MGAT4C: variants seen among roughly 807,000 people sequenced by gnomAD.
MGAT4C encodes the protein alpha-1,3-mannosyl-glycoprotein 4-beta-N-acetylglucosaminyltransferase C.
MGAT4C carries 19 observed loss-of-function variants against 40.1 expected under a neutral mutation model. The ratio of observed to expected loss-of-function variants is 0.47; its 90% CI spans 0.33 to 0.70. The LOEUF (loss-of-function observed/expected upper bound fraction) is 0.70, where lower values mean the gene tolerates loss of function less well. Ranked by LOEUF, MGAT4C falls within the 30% of genes least tolerant of loss-of-function variation. MGAT4C has a pLI of 0.02. For missense variants in MGAT4C, 491 were observed against 563.2 expected (o/e 0.87, Z 1.30); for synonymous variants, 181 against 187.1 (o/e 0.97, Z 0.27).
At chr12:86,724,306 A>G (rs2136648489) in intron 2 of MGAT4C, among the ~76,000 whole-genome samples, 1 of 152,290 alleles carries the variant, frequency 6.6e-6, no homozygotes, top group Non-Finnish European at 1.5e-5. Context: ...GTGTCTCCCC[A>G]AATTGTAATG....
intron 1 of MGAT4C, among the ~76,000 whole-genome samples, chr12:86,058,935 A>AAT (rs1893664898): frequency 3.9e-5 from 6 of 152,198 alleles, no homozygotes; most frequent in Admixed American, 3.9e-4. Context: ...TTTATTTAGG[A>AAT]ATATAAGTAG....
intron 2 of MGAT4C, among the ~76,000 whole-genome samples, chr12:86,659,437 G>A (rs992752133): frequency 1.7e-4 from 26 of 152,132 alleles, no homozygotes; most frequent in Non-Finnish European, 2.8e-4. Flanking sequence ...AAATGGGAAC[G>A]ACAGTAAATT....
intron 2 of MGAT4C, among the ~76,000 whole-genome samples, chr12:86,703,588 T>C (rs368091182): frequency 1.3e-5 from 2 of 152,248 alleles, no homozygotes; most frequent in South Asian, 4.1e-4. Flanking sequence ...TTAAAGTAGG[T>C]ATATTGGTTT....
At chr12:86,650,777 C>T (rs550122483) in intron 2 of MGAT4C, among the ~76,000 whole-genome samples, 2 of 152,002 alleles carry the variant, frequency 1.3e-5, no homozygotes, top group East Asian at 1.9e-4. Flanking sequence ...CTGCTTTAAA[C>T]CCCTCATGTA....
chr12:86,070,604 T>G lies in MGAT4C; in HGVS notation c.-56-20881A>C, dbSNP rs530489716. Among the ~76,000 whole-genome samples, 10 of 152,140 alleles carry G rather than the reference T, an allele frequency of 6.6e-5. 1 individual carries two copies. In the South Asian group the frequency reaches 1.9e-3, roughly 28 times the overall value. On this transcript the variant is annotated intron_variant, in intron 1 of 4. Coordinates refer to ENST00000611864, the MANE Select transcript of MGAT4C (RefSeq NM_001351288.2). ...GAAATTTGTACAGGTGGCAGCAGTT[T>G]TTATGGGTTGTGGCTCTATTATTTT...
chr12:86,378,345 G>A (rs1195914924), intron 3 of MGAT4C, among the ~76,000 whole-genome samples: 3 of 152,050 alleles, frequency 2.0e-5, no homozygotes, highest in Non-Finnish European at 4.4e-5. Context: ...GTATTTACAT[G>A]GGACTTGAAT....
chr12:86,534,972 C>A (rs1159461702), intron 2 of MGAT4C, among the ~76,000 whole-genome samples: 2 of 151,968 alleles, frequency 1.3e-5, no homozygotes, highest in Non-Finnish European at 2.9e-5. Flanking sequence ...AAGAAAAATA[C>A]AGAGGTAATA....
At chr12:86,094,776 C>T (rs1436104586) in intron 1 of MGAT4C, among the ~76,000 whole-genome samples, 1 of 151,992 alleles carries the variant, frequency 6.6e-6, no homozygotes, top group African/African-American at 2.4e-5. Flanking sequence ...ATGCCCTTTG[C>T]CCCTGTGAGG....
chr12:86,429,380 T>A (rs1002934290), intron 3 of MGAT4C, among the ~76,000 whole-genome samples: 1 of 152,184 alleles, frequency 6.6e-6, no homozygotes. Flanking sequence ...TACCTTAGCA[T>A]GTGATCTATT....
At chr12:86,211,986 A>G (rs1457536134) in intron 1 of MGAT4C, among the ~76,000 whole-genome samples, 1 of 152,134 alleles carries the variant, frequency 6.6e-6, no homozygotes, top group Non-Finnish European at 1.5e-5. Context: ...GTGCCTTTTT[A>G]GAGATTTGAT....
chr12:86,764,007 T>G (rs1464012735), intron 1 of MGAT4C, among the ~76,000 whole-genome samples: 1 of 152,014 alleles, frequency 6.6e-6, no homozygotes, highest in Non-Finnish European at 1.5e-5. Flanking sequence ...TGCCAGACAG[T>G]TGGTGCGGGG....
intron 2 of MGAT4C, among the ~76,000 whole-genome samples, chr12:86,035,774 C>T (rs1352577674): frequency 6.7e-6 from 1 of 149,796 alleles, no homozygotes; most frequent in South Asian, 2.1e-4. Flanking sequence ...GGAGGGAACC[C>T]CATTTCAGCT....
At chr12:86,483,981 A>C (rs1285347075) in intron 2 of MGAT4C, among the ~76,000 whole-genome samples, 1 of 151,850 alleles carries the variant, frequency 6.6e-6, no homozygotes, top group Admixed American at 6.6e-5. Flanking sequence ...AAGAGCAAAA[A>C]AGCATGAAAT....
chr12:86,185,421 A>G (rs928879698), intron 1 of MGAT4C, among the ~76,000 whole-genome samples: 3 of 152,192 alleles, frequency 2.0e-5, no homozygotes, highest in Admixed American at 2.0e-4. Context: ...AAATTCTCTC[A>G]TTATTCTGAA....
At chr12:86,199,377 A>AG (rs1197713327) in intron 1 of MGAT4C, among the ~76,000 whole-genome samples, 2 of 61,400 alleles carry the variant, frequency 3.3e-5, no homozygotes, top group Non-Finnish European at 8.8e-5. Context: ...GGGACAGTTT[A>AG]GGGGAAAAAG....
intron 2 of MGAT4C, among the ~76,000 whole-genome samples, chr12:86,724,138 T>A (rs2136648226): frequency 6.6e-6 from 1 of 152,292 alleles, no homozygotes. Flanking sequence ...AATGTATATA[T>A]CTTTTAAGTA....
At chr12:86,353,474 A>G (rs991413422) in intron 3 of MGAT4C, among the ~76,000 whole-genome samples, 1 of 152,198 alleles carries the variant, frequency 6.6e-6, no homozygotes, top group Non-Finnish European at 1.5e-5. Context: ...TGCAGCAGAC[A>G]CAGTCACCAA....
In MGAT4C at chr12:85,959,337, G is replaced by A. The variant is rs1882987421; in HGVS notation, c.*19952C>T. On this transcript the variant is annotated 3_prime_UTR_variant, in exon 5 of 5. Coordinates refer to ENST00000611864, the MANE Select transcript of MGAT4C (RefSeq NM_001351288.2). Reference sequence around the variant, plus strand: ...TTATTTGGATATGCTGAAAAAAGAGGGGGTATAAAATCTAAAGTTTGGTAA... The same window carrying A: ...TTATTTGGATATGCTGAAAAAAGAGAGGGTATAAAATCTAAAGTTTGGTAA... The A allele has an allele frequency of 6.6e-6, 1 of 151,918 alleles. No homozygotes were observed. Among genetic ancestry groups the A allele is most frequent in the Non-Finnish European group, 1.5e-5 (1 of 67,914 alleles). 9.4% of individuals were successfully genotyped at this position (151,918 alleles called of 1,614,324 possible).
chr12:86,390,716 C>A (rs546657332), intron 3 of MGAT4C, among the ~76,000 whole-genome samples: 1 of 152,022 alleles, frequency 6.6e-6, no homozygotes, highest in East Asian at 1.9e-4. Context: ...TAGTCGCAAC[C>A]TTTTCTTTAT....
Sources: allele counts gnomAD v4.1 joint callset (sites outside exome capture counted in the v4.1 genomes callset), GRCh38; gene constraint gnomAD v4.1.1; transcripts MANE v1.5; gene names NCBI Gene and HGNC (gene_info 2026-07-23, HGNC 2026-07-21).